ESCO1: variants seen among roughly 807,000 people sequenced by gnomAD.
The protein encoded by ESCO1 is establishment of sister chromatid cohesion N-acetyltransferase 1, also known as N-acetyltransferase ESCO1.
In ESCO1, 33 loss-of-function variants were observed where a neutral mutation model predicts 83.5. That is an observed-to-expected ratio of 0.40 (90% CI 0.30 to 0.53). The LOEUF (loss-of-function observed/expected upper bound fraction) is 0.53, where lower values mean the gene tolerates loss of function less well. ESCO1 is among the 20% of genes least tolerant of loss of function. ESCO1 has a pLI of 0.63. For missense variants in ESCO1, 855 were observed against 968.0 expected, an observed-to-expected ratio of 0.88 and a Z score of 1.55; for synonymous variants, 332 against 324.3, an observed-to-expected ratio of 1.02 and a Z score of -0.25.
At chr18:21,585,516 T>G (rs11662308) in intron 1 of ESCO1, among the ~76,000 whole-genome samples, 22,723 of 152,268 alleles carry the variant, frequency 0.15, 1,934 homozygotes, top group Middle Eastern at 0.26. Flanking sequence ...GGACTCTCAA[T>G]TCTATCCCAT....
chr18:21,560,324 A>ATT (rs1844124591), intron 8 of ESCO1, among the ~76,000 whole-genome samples: 2 of 27,748 alleles, frequency 7.2e-5, no homozygotes, highest in Non-Finnish European at 1.4e-4. Flanking sequence ...ACTCTGTGGG[A>ATT]ATTTTTTTTT....
chr18:21,592,126 G>T (rs34564833), intron 1 of ESCO1, among the ~76,000 whole-genome samples: 2 of 146,760 alleles, frequency 1.4e-5, no homozygotes, highest in Non-Finnish European at 3.0e-5. Context: ...CACCTTTCCC[G>T]GCTTTCTATT....
intron 2 of ESCO1, among the ~76,000 whole-genome samples, chr18:21,579,782 A>G (rs1392514741): frequency 0.031 from 1,459 of 47,220 alleles, 47 homozygotes; most frequent in African/African-American, 0.085. Flanking sequence ...ACACACACAC[A>G]CACGCGCGCG....
chr18:21,567,204 C>A (rs1194861645), intron 5 of ESCO1, among the ~76,000 whole-genome samples: 1 of 151,932 alleles, frequency 6.6e-6, no homozygotes, highest in African/African-American at 2.4e-5. Context: ...ACTCTGTCAC[C>A]CAGGGTGGAA....
chr18:21,586,732 T>C (rs141934201), intron 1 of ESCO1, among the ~76,000 whole-genome samples: 42 of 152,300 alleles, frequency 2.8e-4, no homozygotes, highest in Non-Finnish European at 4.9e-4. Context: ...GGACGCCTTT[T>C]ATTTCTTTCC....
At position 21,529,535 on chromosome 18, in the gene ESCO1, C is replaced by T. The variant is rs181972555; in HGVS notation, c.*808G>A. 8.3e-4 allele frequency: 127 copies of T among 152,276 alleles called. 2 individuals are homozygous for T. The highest frequency in any genetic ancestry group is 2.9e-3 in the African/African-American group (120 of 41,562). 9.4% of individuals were successfully genotyped at this position (152,276 alleles called of 1,614,324 possible). On this transcript the variant is annotated 3_prime_UTR_variant, in exon 12 of 12. Coordinates refer to ENST00000269214, the MANE Select transcript of ESCO1 (RefSeq NM_052911.3). ...ATACTTTGCTTCCAAGTATTCTATA[C>T]GTTTTTATAAACCTCTTTGAGATTT...
intron 2 of ESCO1, among the ~76,000 whole-genome samples, chr18:21,581,934 A>T (rs1368775372): frequency 6.6e-6 from 1 of 151,992 alleles, no homozygotes; most frequent in Non-Finnish European, 1.5e-5. Context: ...AAAAAAAGAA[A>T]AAAAAAATCA....
At chr18:21,531,316 G>C (rs1014371287) in intron 11 of ESCO1, among the ~76,000 whole-genome samples, 2 of 152,090 alleles carry the variant, frequency 1.3e-5, no homozygotes, top group Non-Finnish European at 2.9e-5. Flanking sequence ...CATGGCTATG[G>C]TCTCAGCTAC....
In ESCO1 at chr18:21,541,245, G is replaced by A. The variant is rs1284718001; in HGVS notation, c.1954-1236C>T. 2.0e-5 allele frequency among the ~76,000 whole-genome samples: 3 copies of A among 152,148 alleles called. No homozygotes were observed. The East Asian group carries it at 5.8e-4, about 29-fold the overall frequency. On this transcript the variant is annotated intron_variant, in intron 8 of 11. Coordinates refer to ENST00000269214, the MANE Select transcript of ESCO1 (RefSeq NM_052911.3). ...GAAAGGAGCAGAAACAATAGCCACA[G>A]AAGTCCTTTTTTCATCTAAGAAACT...
At chr18:21,553,899 G>A (rs570326438) in intron 8 of ESCO1, among the ~76,000 whole-genome samples, 19 of 147,744 alleles carry the variant, frequency 1.3e-4, no homozygotes, top group Admixed American at 2.7e-4. Context: ...AAAAAAAACC[G>A]TTACCCAAAA....
intron 2 of ESCO1, among the ~76,000 whole-genome samples, chr18:21,581,156 C>T (rs1001366374): frequency 4.0e-5 from 6 of 151,670 alleles, no homozygotes; most frequent in African/African-American, 1.5e-4. Context: ...ACTAAAAATA[C>T]AAAAAAATTA....
At chr18:21,577,361 T>A (rs533631947) in intron 2 of ESCO1, among the ~76,000 whole-genome samples, 707 of 52,976 alleles carry the variant, frequency 0.013, 19 homozygotes, top group African/African-American at 0.049. Flanking sequence ...CCATCTTTTT[T>A]AAAAAAAAAA....
chr18:21,591,444 C>T (rs1414663154), intron 1 of ESCO1, among the ~76,000 whole-genome samples: 1 of 152,168 alleles, frequency 6.6e-6, no homozygotes, highest in Non-Finnish European at 1.5e-5. Context: ...CTATATATAT[C>T]ACATCAAGAA....
intron 2 of ESCO1, 97 bp from the exon 3 acceptor site, chr18:21,575,874 T>A (rs935981174): frequency 2.6e-6 from 1 of 389,104 alleles, no homozygotes; most frequent in African/African-American, 2.1e-5. Context: ...CATAATTTCA[T>A]CCTGTCCTAC....
intron 1 of ESCO1, among the ~76,000 whole-genome samples, chr18:21,595,341 G>A (rs1221180103): frequency 1.4e-5 from 2 of 147,262 alleles, no homozygotes; most frequent in African/African-American, 2.5e-5. Context: ...TCCAGCCTGG[G>A]CTGTAAGAGC....
chr18:21,555,489 C>T (rs933047911), intron 8 of ESCO1, among the ~76,000 whole-genome samples: 1 of 152,126 alleles, frequency 6.6e-6, no homozygotes, highest in Non-Finnish European at 1.5e-5. Context: ...GTGAGGGAGG[C>T]TATACACGTG....
rs1158187980 is a variant in ESCO1, at chr18:21,573,517, G to C, written c.1327C>G (p.Leu443Val). 2 of 1,613,690 alleles carry C rather than the reference G, an allele frequency of 1.2e-6. No individual in the cohort carries two copies. The highest frequency in any genetic ancestry group is 1.7e-6 in the Non-Finnish European group (2 of 1,179,894). The change falls in exon 4 of 12, where the codon CTA (leucine) becomes GTA (valine). Residue 443 changes from leucine (L) to valine (V), a missense_variant. Physicochemically the swap from Leu to Val is conservative, Grantham distance 32 (BLOSUM62 1). Around this residue, in one of 2 missense-constraint regions of ESCO1, gnomAD observed 726 missense variants for 699.5 expected, o/e 1.04. Coordinates refer to ENST00000269214, the MANE Select transcript of ESCO1 (RefSeq NM_052911.3). Reference sequence around the variant, plus strand: ...TGGCAAGTTATATTTCTATCATGTAGCTTTGTCCCTAAAAACGTACTTTGA... The same window carrying C: ...TGGCAAGTTATATTTCTATCATGTACCTTTGTCCCTAAAAACGTACTTTGA... ...VTQSTFLGTK[L>V]HDRNITCQQE... is the part of the protein sequence containing the mutation.
In ESCO1 at chr18:21,541,181, T is replaced by C. The variant is rs1003128414; in HGVS notation, c.1954-1172A>G. On this transcript the variant is annotated intron_variant, in intron 8 of 11. Coordinates refer to ENST00000269214, the MANE Select transcript of ESCO1 (RefSeq NM_052911.3). The stretch of plus-strand genomic sequence containing the variant: ...GTACCCAAGTTAAAATTCAGATGAT[T>C]AAAATTATGATTGGTAAAATGTTCT... 2.0e-5 allele frequency among the ~76,000 whole-genome samples: 3 copies of C among 152,138 alleles called. No individual in the cohort carries two copies. In the East Asian group the frequency reaches 5.8e-4, roughly 29 times the overall value.
intron 2 of ESCO1, among the ~76,000 whole-genome samples, chr18:21,580,234 C>T (rs964533380): frequency 6.6e-6 from 1 of 151,890 alleles, no homozygotes; most frequent in Non-Finnish European, 1.5e-5. Context: ...TATGTTTCTG[C>T]TGGCAATGAG....
Sources: allele counts gnomAD v4.1 joint callset (sites outside exome capture counted in the v4.1 genomes callset), GRCh38; gene constraint gnomAD v4.1.1; regional missense constraint gnomAD v4.1.1; transcripts MANE v1.5; gene names NCBI Gene and HGNC (gene_info 2026-07-23, HGNC 2026-07-21).